The following GNB1 variants were observed in gnomAD, a reference collection of about 807,000 sequenced individuals.
GNB1 encodes the protein G protein subunit beta 1, also known as guanine nucleotide-binding protein G(I)/G(S)/G(T) subunit beta-1.
GNB1 carries 2 observed loss-of-function variants against 42.9 expected under a neutral mutation model. The ratio of observed to expected loss-of-function variants is 0.05; its 90% confidence interval spans 0.02 to 0.15. The LOEUF (loss-of-function observed/expected upper bound fraction) is 0.15. Among genes scored for constraint, GNB1 ranks in the 10% least tolerant of loss-of-function variants. The probability of loss-of-function intolerance (pLI) is 1.00; values close to 1 mark genes in which losing one functional copy is unlikely to be tolerated. For synonymous variants in GNB1, 183 were observed against 174.7 expected, an observed-to-expected ratio of 1.05 and a Z score of -0.38; for missense variants, 193 against 462.2, an observed-to-expected ratio of 0.42 and a Z score of 5.34.
At chr1:1,811,847 T>G (rs1003510810) in intron 5 of GNB1, among the ~76,000 whole-genome samples, 7 of 151,132 alleles carry the variant, frequency 4.6e-5, no homozygotes, top group African/African-American at 1.7e-4. Context: ...GGGCAGATCA[T>G]GAGGTCAGGA....
intron 1 of GNB1, among the ~76,000 whole-genome samples, chr1:1,841,968 T>C (rs1294184312): frequency 6.6e-6 from 1 of 152,238 alleles, no homozygotes; most frequent in African/African-American, 2.4e-5. Flanking sequence ...CATGAATGGA[T>C]GAATAAAATG....
intron 2 of GNB1, among the ~76,000 whole-genome samples, chr1:1,838,076 G>A (rs977432955): frequency 3.9e-5 from 6 of 151,934 alleles, no homozygotes; most frequent in African/African-American, 1.4e-4. Flanking sequence ...GGTGGTGAGC[G>A]CCTGTAATCC....
At chr1:1,885,783 C>A (rs1404055729) in intron 1 of GNB1, among the ~76,000 whole-genome samples, 3 of 150,382 alleles carry the variant, frequency 2.0e-5, no homozygotes, top group Non-Finnish European at 4.4e-5. Context: ...TGGTCTCAAT[C>A]TCCTGACCTC....
intron 1 of GNB1, among the ~76,000 whole-genome samples, chr1:1,852,626 T>TG (rs1648054598): frequency 6.6e-6 from 1 of 150,886 alleles, no homozygotes; most frequent in Non-Finnish European, 1.5e-5. Context: ...GCCCAGGAGT[T>TG]GAAGGCAGCA....
At chr1:1,872,697 A>C (rs1649311761) in intron 1 of GNB1, among the ~76,000 whole-genome samples, 1 of 151,940 alleles carries the variant, frequency 6.6e-6, no homozygotes, top group Non-Finnish European at 1.5e-5. Flanking sequence ...TACCCTAAAC[A>C]ATACCCTAAA....
intron 3 of GNB1, among the ~76,000 whole-genome samples, chr1:1,822,104 A>T (rs1354006770): frequency 6.6e-6 from 1 of 152,114 alleles, no homozygotes; most frequent in Non-Finnish European, 1.5e-5. Context: ...CTCAAAACAC[A>T]CAAACAAAAA....
intron 2 of GNB1, among the ~76,000 whole-genome samples, chr1:1,830,573 ATT>A (rs1260231005): frequency 6.6e-6 from 1 of 151,666 alleles, no homozygotes; most frequent in East Asian, 1.9e-4. Flanking sequence ...TTTAAAAAAA[ATT>A]TCTGTGAGGG....
intron 1 of GNB1, among the ~76,000 whole-genome samples, chr1:1,851,416 A>G (rs1351340572): frequency 7.1e-5 from 4 of 56,036 alleles, no homozygotes; most frequent in Admixed American, 3.3e-4. Context: ...ATCTCAAAGA[A>G]AAAAAAAAAA....
intron 1 of GNB1, among the ~76,000 whole-genome samples, chr1:1,854,192 G>A (rs1308216812): frequency 6.6e-6 from 1 of 152,186 alleles, no homozygotes; most frequent in African/African-American, 2.4e-5. Context: ...ACGTAAGAAG[G>A]GGAAACAGGT....
chr1:1,864,040 T>G (rs184964529), intron 1 of GNB1, among the ~76,000 whole-genome samples: 109 of 152,036 alleles, frequency 7.2e-4, no homozygotes, highest in African/African-American at 2.5e-3. Context: ...TTTAAAAAAT[T>G]TGCCAGGAGT....
intron 5 of GNB1, among the ~76,000 whole-genome samples, chr1:1,811,328 T>C (rs930124197): frequency 3.9e-5 from 6 of 151,994 alleles, no homozygotes; most frequent in African/African-American, 1.4e-4. Flanking sequence ...AGTCAAGCGA[T>C]CCACCTGACT....
In GNB1 at chr1:1,787,224, T is replaced by G. The variant is rs536578335; in HGVS notation, c.*9+98A>C. On this transcript the variant is annotated intron_variant, in intron 11 of 11. Coordinates refer to ENST00000378609, the MANE Select transcript of GNB1 (RefSeq NM_002074.5). This position sits in a 1 kb window ranked among gnomAD's most constrained non-coding sequence, Gnocchi z 4.4. ...AACACAATTCCAAATCAATGCTACA[T>G]CAACATTTATCTAGAAACCGTTAAT... is the stretch of plus-strand genomic sequence containing the variant. 12 of 721,448 alleles carry G rather than the reference T, an allele frequency of 1.7e-5. No individual in the cohort carries two copies. Among genetic ancestry groups the G allele is most frequent in the South Asian group, 1.6e-4 (9 of 57,202 alleles). The allele number at this position is 721,448 out of a possible 1,614,324, so 44.7% of individuals were successfully genotyped here.
chr1:1,824,579 T>A lies in GNB1; in HGVS notation c.57+818A>T, dbSNP rs75990010. On this transcript the variant is annotated intron_variant, in intron 3 of 11. Transcript: ENST00000378609. ...ACACGGTAAATAAATTTATCTTCAA[T>A]TTTTTTTTTATTTTTCAGGGTCTCA... Among the ~76,000 whole-genome samples the A allele has an allele frequency of 3.5e-4, 53 of 149,930 alleles. No individual in the cohort carries two copies. In the Middle Eastern group the frequency reaches 0.014, roughly 39 times the overall value.
At chr1:1,805,369 G>A (rs529259060) in intron 6 of GNB1, among the ~76,000 whole-genome samples, 1 of 151,338 alleles carries the variant, frequency 6.6e-6, no homozygotes, top group Admixed American at 6.6e-5. Context: ...GCTGAAGCAG[G>A]AGAGTCGCTT....
intron 5 of GNB1, among the ~76,000 whole-genome samples, chr1:1,813,542 G>C (rs1341894600): frequency 6.6e-6 from 1 of 152,098 alleles, no homozygotes; most frequent in Admixed American, 6.6e-5. Context: ...AAACACAGTG[G>C]GGTGATCTGG....
rs144398216 is a variant in GNB1 at position 1,881,246 on chromosome 1, T to C, written c.-96+9574A>G. On this transcript the variant is annotated intron_variant, in intron 1 of 11. Coordinates refer to ENST00000378609, the MANE Select transcript of GNB1 (RefSeq NM_002074.5). The stretch of plus-strand genomic sequence containing the variant: ...CCTTCCCTTCGGTCACCAGGTCTTA[T>C]CAATCGTCAACCTGGTCCAGACCCC... Among the ~76,000 whole-genome samples the C allele has an allele frequency of 4.3e-3, 650 of 152,182 alleles. 2 individuals carry two copies. Among genetic ancestry groups the C allele is most frequent in the Middle Eastern group, 0.017 (5 of 294 alleles).
At chr1:1,855,243 C>T (rs1323182243) in intron 1 of GNB1, among the ~76,000 whole-genome samples, 1 of 149,314 alleles carries the variant, frequency 6.7e-6, no homozygotes, top group Non-Finnish European at 1.5e-5. Flanking sequence ...ATCACTTGAA[C>T]CGGGGAGGTG....
Position 1,786,867 on chromosome 1 carries a change from A to G in GNB1, c.*196T>C, listed in dbSNP as rs1187748564. Reference sequence around the variant, plus strand: ...CACAATTTGTTTTAGTTTACAGCACAGAGATCTTTCTCTCAATGGGAATTG... The same window carrying G: ...CACAATTTGTTTTAGTTTACAGCACGGAGATCTTTCTCTCAATGGGAATTG... On this transcript the variant is annotated 3_prime_UTR_variant, in exon 12 of 12. Transcript: ENST00000378609. The G allele has an allele frequency of 6.5e-6, 1 of 152,840 alleles. No individual in the cohort carries two copies. The highest frequency in any genetic ancestry group is 1.5e-5 in the Non-Finnish European group (1 of 68,152). 9.5% of individuals were successfully genotyped at this position (152,840 alleles called of 1,614,324 possible).
intron 2 of GNB1, among the ~76,000 whole-genome samples, chr1:1,837,575 T>A (rs1647169833): frequency 6.6e-6 from 1 of 151,024 alleles, no homozygotes; most frequent in African/African-American, 2.4e-5. Context: ...GTTTTTGTTT[T>A]TTTGACACGG....
Sources: allele counts gnomAD v4.1 joint callset (sites outside exome capture counted in the v4.1 genomes callset), GRCh38; gene constraint gnomAD v4.1.1; non-coding constraint Gnocchi (gnomAD v3.1); transcripts MANE v1.5; gene names NCBI Gene and HGNC (gene_info 2026-07-23, HGNC 2026-07-21).